The following EFNA5 variants were observed in gnomAD, a reference collection of about 807,000 sequenced individuals.
EFNA5 encodes the protein ephrin-A5.
A neutral mutation model predicts 22.9 loss-of-function variants in EFNA5; 5 were observed. The observed-to-expected ratio is 0.22, with a 90% confidence interval of 0.11 to 0.46. The LOEUF is 0.46. EFNA5 is among the 20% of genes least tolerant of loss of function. The pLI is 0.99. For synonymous variants in EFNA5, 113 were observed against 112.2 expected (o/e 1.01, Z -0.04); for missense variants, 237 against 293.3 (o/e 0.81, Z 1.40).
At chr5:107,669,046 T>G (rs955247808) in intron 1 of EFNA5, among the ~76,000 whole-genome samples, 1 of 152,124 alleles carries the variant, frequency 6.6e-6, no homozygotes, top group Non-Finnish European at 1.5e-5. Flanking sequence ...ACTAGCGGGA[T>G]AGGGGGAACT....
chr5:107,396,279 G>A (rs1747922046), intron 2 of EFNA5, among the ~76,000 whole-genome samples: 1 of 152,074 alleles, frequency 6.6e-6, no homozygotes, highest in Non-Finnish European at 1.5e-5. Context: ...CTTATTTTGT[G>A]GTTTTGAGCC....
intron 1 of EFNA5, among the ~76,000 whole-genome samples, chr5:107,630,851 AT>A (rs1750234684): frequency 6.6e-6 from 1 of 152,060 alleles, no homozygotes; most frequent in African/African-American, 2.4e-5. Context: ...TTTCATGAAA[AT>A]TTATTTTTTT....
chr5:107,466,251 T>C (rs1749977560), intron 1 of EFNA5, among the ~76,000 whole-genome samples: 1 of 152,130 alleles, frequency 6.6e-6, no homozygotes, highest in Admixed American at 6.5e-5. Context: ...AGACGGCTCA[T>C]AAGTCGTGTT....
rs1747348903 is a variant in EFNA5 at position 107,378,863 on chromosome 5, A to G, written c.*2392T>C. On this transcript the variant is annotated 3_prime_UTR_variant, in exon 5 of 5. Transcript: ENST00000333274. Reference sequence around the variant, plus strand: ...ATAGTTATGACTAACTGGAATCATGACAGGATCATTTGATTTCCTTGTGGT... The same window carrying G: ...ATAGTTATGACTAACTGGAATCATGGCAGGATCATTTGATTTCCTTGTGGT... The G allele has an allele frequency of 6.6e-6, 1 of 152,182 alleles. No homozygotes were observed. The highest frequency in any genetic ancestry group is 2.4e-5 in the African/African-American group (1 of 41,448). 9.4% of individuals were successfully genotyped at this position (152,182 alleles called of 1,614,324 possible).
chr5:107,478,456 A>G (rs1029560995), intron 1 of EFNA5, among the ~76,000 whole-genome samples: 10 of 152,202 alleles, frequency 6.6e-5, no homozygotes, highest in African/African-American at 1.9e-4. Context: ...GAAGATATCT[A>G]CACAGATGTC....
At chr5:107,623,878 G>C (rs1750092123) in intron 1 of EFNA5, among the ~76,000 whole-genome samples, 1 of 152,034 alleles carries the variant, frequency 6.6e-6, no homozygotes, top group Non-Finnish European at 1.5e-5. Context: ...TCTTTGAACA[G>C]GGCTGTATTG....
intron 1 of EFNA5, among the ~76,000 whole-genome samples, chr5:107,658,149 G>C (rs1165677706): frequency 6.6e-6 from 1 of 152,104 alleles, no homozygotes; most frequent in African/African-American, 2.4e-5. Flanking sequence ...CCCAGACATT[G>C]AAAGTAGAAA....
In EFNA5 at chr5:107,609,629, C is replaced by T. The variant is rs1188815795; in HGVS notation, c.125+60860G>A. On this transcript the variant is annotated intron_variant, in intron 1 of 4. Transcript: ENST00000333274. ...AGGCTGCACCACCAAAGTCGCCTCA[C>T]CCTGCGTCCACCACTCCATCCACAG... Among the ~76,000 whole-genome samples the T allele has an allele frequency of 6.2e-4, 95 of 152,298 alleles. 1 individual carries two copies. Among genetic ancestry groups the T allele is most frequent in the Admixed American group, 6.1e-3 (94 of 15,302 alleles).
intron 1 of EFNA5, among the ~76,000 whole-genome samples, chr5:107,542,421 T>G (rs887771844): frequency 6.6e-6 from 1 of 152,180 alleles, no homozygotes; most frequent in Non-Finnish European, 1.5e-5. Flanking sequence ...AAGGATATAG[T>G]TATTCAGGGT....
chr5:107,474,693 G>C (rs1432724980), intron 1 of EFNA5, among the ~76,000 whole-genome samples: 1 of 152,138 alleles, frequency 6.6e-6, no homozygotes, highest in Admixed American at 6.6e-5. Context: ...AGGCCTGTTG[G>C]TATCAAATAT....
intron 1 of EFNA5, among the ~76,000 whole-genome samples, chr5:107,482,802 CTCTCTCTCTCTG>C (rs1561406182): frequency 5.2e-5 from 5 of 97,068 alleles, no homozygotes; most frequent in African/African-American, 1.4e-4. Context: ...GCTGCTCTCT[CTCTCTCTCTCTG>C]TCTCTCTCTC....
intron 3 of EFNA5, 67 bp from the exon 4 acceptor site, chr5:107,387,382 C>T (rs1561364439): frequency 9.3e-7 from 1 of 1,080,552 alleles, no homozygotes; most frequent in Non-Finnish European, 1.3e-6. Flanking sequence ...CCATTTCTTT[C>T]TTTTTTCTTT....
intron 1 of EFNA5, among the ~76,000 whole-genome samples, chr5:107,580,978 T>C (rs1041213003): frequency 2.6e-5 from 4 of 152,172 alleles, no homozygotes; most frequent in Admixed American, 1.3e-4. Flanking sequence ...GAGAATATGT[T>C]TTTTTACCGT....
At chr5:107,515,805 C>G (rs1440967968) in intron 1 of EFNA5, among the ~76,000 whole-genome samples, 2 of 152,170 alleles carry the variant, frequency 1.3e-5, no homozygotes, top group African/African-American at 4.8e-5. Context: ...CATGCTCACG[C>G]CCCAAAGGCT....
chr5:107,549,315 A>G lies in EFNA5; in HGVS notation c.125+121174T>C, dbSNP rs527879221. Among the ~76,000 whole-genome samples the G allele has an allele frequency of 7.8e-4, 119 of 152,346 alleles. 2 individuals are homozygous for G. Among genetic ancestry groups the G allele is most frequent in the Non-Finnish European group, 7.5e-4 (51 of 68,034 alleles). ...CAATTTGTCTGGTAATTAATCAGGA[A>G]AGAATTACATGCTGTAATCCTTTAA... On this transcript the variant is annotated intron_variant, in intron 1 of 4. Transcript: ENST00000333274.
rs377351448 is a variant in EFNA5 at position 107,670,667 on chromosome 5, G to A, written c.-54C>T. Reference sequence around the variant, plus strand: ...CGCGCCACTCCGGGGAGAGAGCGGGGATCCGGAGGGAGGGAGGCAGGCAAA... The same window carrying A: ...CGCGCCACTCCGGGGAGAGAGCGGGAATCCGGAGGGAGGGAGGCAGGCAAA... On this transcript the variant is annotated 5_prime_UTR_variant, in exon 1 of 5. Coordinates refer to ENST00000333274, the MANE Select transcript of EFNA5 (RefSeq NM_001962.3). 3 of 1,575,252 alleles carry A rather than the reference G, an allele frequency of 1.9e-6. No individual in the cohort carries two copies. The highest frequency in any genetic ancestry group is 3.6e-5 in the Admixed American group (2 of 56,292).
rs76765709 is a variant in EFNA5, at chr5:107,543,727, T to C, written c.126-116218A>G. 3.3e-5 allele frequency among the ~76,000 whole-genome samples: 5 copies of C among 152,348 alleles called. No homozygotes were observed. In the East Asian group the frequency reaches 9.6e-4, roughly 29 times the overall value. On this transcript the variant is annotated intron_variant, in intron 1 of 4. Coordinates refer to ENST00000333274, the MANE Select transcript of EFNA5 (RefSeq NM_001962.3). The stretch of plus-strand genomic sequence containing the variant: ...TATAATTTAAAAAAAAAACCCTTTT[T>C]TCATAGGAATGAAAACCATTTCAGA...
chr5:107,442,713 C>T (rs113909503), intron 1 of EFNA5, among the ~76,000 whole-genome samples: 8 of 151,536 alleles, frequency 5.3e-5, no homozygotes, highest in Admixed American at 3.3e-4. Flanking sequence ...ATAATGGAAG[C>T]GAGCTAAGGA....
intron 1 of EFNA5, among the ~76,000 whole-genome samples, chr5:107,522,646 C>T (rs1747621505): frequency 1.3e-5 from 2 of 152,076 alleles, no homozygotes; most frequent in Non-Finnish European, 2.9e-5. Flanking sequence ...CCACTTTGGC[C>T]TCCCAAAGGG....
Sources: gnomAD v4.1 joint callset for allele counts (sites outside exome capture counted in the v4.1 genomes callset) on GRCh38, gnomAD v4.1.1 for gene constraint, MANE v1.5 for transcripts, NCBI Gene and HGNC (gene_info 2026-07-23, HGNC 2026-07-21) for gene names.